IFT57: variants seen among roughly 807,000 people sequenced by gnomAD.
IFT57 encodes the protein intraflagellar transport 57.
In IFT57, 59 loss-of-function variants were observed where a neutral mutation model predicts 56.8. The ratio of observed to expected loss-of-function variants is 1.04; its 90% CI spans 0.84 to 1.29. The LOEUF (loss-of-function observed/expected upper bound fraction) is 1.29, where lower values mean the gene tolerates loss of function less well. Among genes scored for constraint, IFT57 ranks in the 50% most tolerant of loss-of-function variants. The pLI is 0.00. For synonymous variants in IFT57, 209 were observed against 186.1 expected (o/e 1.12, Z -1.00); for missense variants, 470 against 522.1 (o/e 0.90, Z 0.97).
intron 6 of IFT57, among the ~76,000 whole-genome samples, chr3:108,168,303 T>TA (rs2080073893): frequency 6.6e-6 from 1 of 151,960 alleles, no homozygotes; most frequent in Non-Finnish European, 1.5e-5. Flanking sequence ...ATGAAGCCTT[T>TA]TGAGTCCCTT....
intron 7 of IFT57, 118 bp from the exon 8 acceptor site, chr3:108,167,103 AGAC>A: frequency 3.5e-6 from 3 of 850,022 alleles, no homozygotes; most frequent in Non-Finnish European, 5.3e-6. Context: ...GTGCAAAAGA[AGAC>A]AGCTTGAAAT....
intron 4 of IFT57, among the ~76,000 whole-genome samples, chr3:108,211,612 A>C (rs1356761071): frequency 6.6e-6 from 1 of 152,268 alleles, no homozygotes; most frequent in Non-Finnish European, 1.5e-5. Context: ...AAGTATATGC[A>C]GAATGAATGA....
chr3:108,214,452 C>T (rs888648517), intron 3 of IFT57, among the ~76,000 whole-genome samples: 8 of 152,072 alleles, frequency 5.3e-5, no homozygotes, highest in African/African-American at 1.9e-4. Context: ...ATTACACATA[C>T]CATTTAGAAT....
intron 5 of IFT57, among the ~76,000 whole-genome samples, chr3:108,203,005 G>A (rs2080287546): frequency 6.6e-6 from 1 of 152,212 alleles, no homozygotes. Flanking sequence ...CTTCAACTAT[G>A]CTGTGGTAAT....
At chr3:108,197,002 T>C (rs1012897962) in intron 5 of IFT57, among the ~76,000 whole-genome samples, 1 of 152,208 alleles carries the variant, frequency 6.6e-6, no homozygotes, top group Non-Finnish European at 1.5e-5. Flanking sequence ...AATGGTACTT[T>C]ATGTGGGTCA....
At chr3:108,190,824 G>A (rs986517150) in intron 6 of IFT57, among the ~76,000 whole-genome samples, 13 of 151,960 alleles carry the variant, frequency 8.6e-5, no homozygotes, top group South Asian at 8.3e-4. Flanking sequence ...ATGGAATCTC[G>A]CTCTGTCATC....
chr3:108,210,055 T>C (rs2108325617), intron 4 of IFT57, among the ~76,000 whole-genome samples: 1 of 152,232 alleles, frequency 6.6e-6, no homozygotes, highest in East Asian at 1.9e-4. Flanking sequence ...GCTTAGAAAA[T>C]TGTTTTGTAA....
chr3:108,197,053 T>G (rs942238458), intron 5 of IFT57, among the ~76,000 whole-genome samples: 1 of 152,198 alleles, frequency 6.6e-6, no homozygotes, highest in African/African-American at 2.4e-5. Context: ...TTAATCAAAA[T>G]TTTATATCAT....
At chr3:108,190,542 T>C (rs1191570524) in intron 6 of IFT57, among the ~76,000 whole-genome samples, 1 of 152,244 alleles carries the variant, frequency 6.6e-6, no homozygotes, top group East Asian at 1.9e-4. Flanking sequence ...TTGCTTTCCC[T>C]TGGCCTTCTG....
At chr3:108,206,243 C>T (rs958633637) in intron 5 of IFT57, among the ~76,000 whole-genome samples, 3 of 149,904 alleles carry the variant, frequency 2.0e-5, no homozygotes, top group Admixed American at 6.7e-5. Context: ...AGTCTTAATC[C>T]ATTTTATTTA....
At chr3:108,171,881 GC>G (rs1318801947) in intron 6 of IFT57, among the ~76,000 whole-genome samples, 8 of 151,738 alleles carry the variant, frequency 5.3e-5, no homozygotes. Flanking sequence ...TATTTACATT[GC>G]TTCCCTCTTC....
chr3:108,179,969 A>C (rs2080143579), intron 6 of IFT57, among the ~76,000 whole-genome samples: 1 of 151,984 alleles, frequency 6.6e-6, no homozygotes, highest in Non-Finnish European at 1.5e-5. Context: ...GGGAATAATC[A>C]TGATCGCTGG....
chr3:108,209,916 ATGTG>A (rs35248776), intron 4 of IFT57, among the ~76,000 whole-genome samples: 1 of 149,818 alleles, frequency 6.7e-6, no homozygotes, highest in Non-Finnish European at 1.5e-5. Context: ...CTTTTTCTAT[ATGTG>A]TGTGTGTGTG....
In IFT57 at chr3:108,194,250, G is replaced by A. The variant is rs200655271; in HGVS notation, c.655-2607C>T. On this transcript the variant is annotated intron_variant, in intron 5 of 10. Transcript: ENST00000264538. ...AAACCAAGAAAGTAATTCCATTCAC[G>A]ACAGCTAAAATAAAATACCTAGGAA... 2.6e-5 allele frequency among the ~76,000 whole-genome samples: 4 copies of A among 152,016 alleles called. No individual in the cohort carries two copies. The South Asian group carries it at 6.2e-4, about 24-fold the overall frequency.
intron 6 of IFT57, among the ~76,000 whole-genome samples, chr3:108,177,334 C>T (rs182518795): frequency 3.0e-4 from 46 of 151,570 alleles, no homozygotes; most frequent in Admixed American, 1.1e-3. Flanking sequence ...TAGAAAAAAA[C>T]GGAGAGCAAC....
At chr3:108,164,661 G>A (rs1323979630) in intron 9 of IFT57, among the ~76,000 whole-genome samples, 1 of 151,984 alleles carries the variant, frequency 6.6e-6, no homozygotes, top group Admixed American at 6.6e-5. Flanking sequence ...TGTTTTATTT[G>A]CTTAGAAGCA....
At chr3:108,206,481 A>G in intron 5 of IFT57, 147 bp downstream of exon 5, 1 of 330,544 alleles carries the variant, frequency 3.0e-6, no homozygotes, top group East Asian at 4.9e-5. Flanking sequence ...TAATTATAAC[A>G]TTTTATATAT....
Position 108,222,119 on chromosome 3 carries a change from G to C in IFT57, c.204C>G (p.Ala68=). ...GGGACGCCGGCACCCACCTGGACGGGGCCTTCAGGTTGCTCTTCCGGAGGA... is the reference window on the plus strand; with the variant it reads ...GGGACGCCGGCACCCACCTGGACGGCGCCTTCAGGTTGCTCTTCCGGAGGA... The part of the protein sequence containing the change: ...EEFLRKSNLK[A]PSRHYFALPT... The change falls in exon 1 of 11, where the codon GCC becomes GCG. Residue 68 remains alanine (A), a synonymous_variant. Transcript: ENST00000264538. The C allele has an allele frequency of 1.2e-6, 2 of 1,602,854 alleles. No homozygotes were observed. Among genetic ancestry groups the C allele is most frequent in the Non-Finnish European group, 1.7e-6 (2 of 1,174,888 alleles).
chr3:108,195,298 G>A (rs9848999), intron 5 of IFT57, among the ~76,000 whole-genome samples: 14,632 of 152,094 alleles, frequency 0.096, 757 homozygotes, highest in Middle Eastern at 0.12. Context: ...CAGTTAAAAT[G>A]GTTTTATCAA....
Sources: gnomAD v4.1 joint callset for allele counts (sites outside exome capture counted in the v4.1 genomes callset) on GRCh38, gnomAD v4.1.1 for gene constraint, MANE v1.5 for transcripts, NCBI Gene and HGNC (gene_info 2026-07-23, HGNC 2026-07-21) for gene names.